Variants in FREM1 observed in about 807,000 individuals in gnomAD.
The protein encoded by FREM1 is FRAS1-related extracellular matrix protein 1.
In FREM1, 220 loss-of-function variants were observed where a neutral mutation model predicts 210.1. The observed-to-expected ratio is 1.05, with a 90% CI of 0.94 to 1.17. The LOEUF (loss-of-function observed/expected upper bound fraction) is 1.17. FREM1 is among the 50% of genes most tolerant of loss of function. FREM1 has a pLI of 0.00. For missense variants in FREM1, 3,454 were observed against 2,675.5 expected (o/e 1.29, Z -6.42); for synonymous variants, 1,189 against 980.2 (o/e 1.21, Z -3.98).
At chr9:14,780,406 G>A (rs1172478050) in intron 24 of FREM1, among the ~76,000 whole-genome samples, 2 of 127,196 alleles carry the variant, frequency 1.6e-5, no homozygotes, top group East Asian at 4.7e-4. Context: ...AGATAAAAAT[G>A]GAATCATAAA....
chr9:14,848,063 A>G (rs1827010532), intron 7 of FREM1, among the ~76,000 whole-genome samples: 1 of 152,208 alleles, frequency 6.6e-6, no homozygotes, highest in African/African-American at 2.4e-5. Context: ...TTTTTCCTTA[A>G]TACTATCTAC....
intron 8 of FREM1, among the ~76,000 whole-genome samples, chr9:14,844,308 C>T (rs1489747688): frequency 6.6e-6 from 1 of 151,778 alleles, no homozygotes; most frequent in Non-Finnish European, 1.5e-5. Context: ...TCACTGCAAC[C>T]TCCACCTCCC....
chr9:14,752,796 C>T (rs1405468384), intron 29 of FREM1, among the ~76,000 whole-genome samples: 1 of 152,142 alleles, frequency 6.6e-6, no homozygotes, highest in Non-Finnish European at 1.5e-5. Flanking sequence ...ATATTTCCAA[C>T]TCCCAACCGA....
intron 1 of FREM1, among the ~76,000 whole-genome samples, chr9:14,887,346 G>C (rs573677033): frequency 6.6e-6 from 1 of 152,206 alleles, no homozygotes; most frequent in Non-Finnish European, 1.5e-5. Context: ...AGAGCTGTGG[G>C]AGAAACAAGC....
At chr9:14,802,218 G>A (rs140774944) in intron 19 of FREM1, among the ~76,000 whole-genome samples, 1 of 152,194 alleles carries the variant, frequency 6.6e-6, no homozygotes, top group African/African-American at 2.4e-5. Flanking sequence ...TCATGGAAAA[G>A]TTCAGTTGTA....
intron 10 of FREM1, among the ~76,000 whole-genome samples, chr9:14,829,135 C>G (rs1823062025): frequency 6.6e-6 from 1 of 152,126 alleles, no homozygotes; most frequent in African/African-American, 2.4e-5. Context: ...AGGTAGGAGG[C>G]ACTTTATTAA....
intron 34 of FREM1, 150 bp downstream of exon 34, chr9:14,746,773 G>T (rs1842515981): frequency 1.1e-6 from 1 of 897,688 alleles, no homozygotes; most frequent in Admixed American, 3.0e-5. Context: ...AAGCCACTTT[G>T]GGCCATTTTT....
In FREM1 at chr9:14,868,786, C is replaced by G. The variant is rs867765102; in HGVS notation, c.192G>C (p.Met64Ile). ...EKDACKVEVV[M>I]NEPITQRVGK... is the part of the protein sequence containing the mutation. ...CAACCCTCTGGGTTATTGGCTCATT[C>G]ATCACAACTTCCACTTTGCAGGCAT... Residue 64 changes from methionine to isoleucine, a missense_variant, in exon 2 of 37, where the codon ATG (methionine) becomes ATC (isoleucine). Met to Ile is a conservative substitution (Grantham distance 10). Transcript: ENST00000380880. 1 of 1,612,976 alleles carries G rather than the reference C, an allele frequency of 6.2e-7. No individual in the cohort carries two copies. The highest frequency in any genetic ancestry group is 8.5e-7 in the Non-Finnish European group (1 of 1,179,462).
intron 6 of FREM1, among the ~76,000 whole-genome samples, chr9:14,850,180 A>T (rs1827430860): frequency 6.6e-6 from 1 of 152,186 alleles, no homozygotes; most frequent in Admixed American, 6.5e-5. Context: ...TATTATGTGG[A>T]AGACTTTAAC....
intron 20 of FREM1, among the ~76,000 whole-genome samples, chr9:14,798,182 G>A (rs553055909): frequency 4.6e-5 from 7 of 152,272 alleles, no homozygotes; most frequent in African/African-American, 1.4e-4. Context: ...TAAAATGCTA[G>A]AAGATGTGCA....
At chr9:14,780,565 C>G (rs970429791) in intron 24 of FREM1, among the ~76,000 whole-genome samples, 3 of 151,964 alleles carry the variant, frequency 2.0e-5, no homozygotes, top group African/African-American at 7.3e-5. Flanking sequence ...AACATGCTGC[C>G]AAATCTTTCT....
intron 1 of FREM1, among the ~76,000 whole-genome samples, chr9:14,895,036 C>A (rs62534802): frequency 0.12 from 17,750 of 152,220 alleles, 1,336 homozygotes; most frequent in Middle Eastern, 0.21. Flanking sequence ...CAAAGAATGT[C>A]ACTTTCTGAC....
chr9:14,896,381 T>C (rs559369902), intron 1 of FREM1, among the ~76,000 whole-genome samples: 126 of 151,906 alleles, frequency 8.3e-4, no homozygotes, highest in Non-Finnish European at 2.4e-4. Context: ...CCATCTCTAC[T>C]AAAAATACAA....
intron 1 of FREM1, among the ~76,000 whole-genome samples, chr9:14,909,181 G>A (rs541082440): frequency 6.6e-6 from 1 of 151,914 alleles, no homozygotes; most frequent in African/African-American, 2.4e-5. Flanking sequence ...ACAAGACTGG[G>A]TGCAATAGTT....
intron 10 of FREM1, among the ~76,000 whole-genome samples, chr9:14,831,625 G>A (rs548903787): frequency 6.6e-6 from 1 of 152,186 alleles, no homozygotes; most frequent in Non-Finnish European, 1.5e-5. Flanking sequence ...TTTTCTATGG[G>A]TAAATGCTTT....
rs1250695060 is a variant in FREM1, at chr9:14,859,414, T to C, written c.400A>G (p.Ile134Val). ...WVYLLEPDCN[I>V]IHMSNNVLEV... is the part of the protein sequence containing the mutation. ...AGCACATTGTTACTCATATGGATGA[T>C]GTTACAGTCTGGTTCCAGGAGATAG... is the stretch of plus-strand genomic sequence containing the variant. Residue 134 changes from isoleucine to valine, a missense_variant, in exon 4 of 37, where the codon ATC becomes GTC. Physicochemically the swap from Ile to Val is conservative, Grantham distance 29 (BLOSUM62 3). Coordinates refer to ENST00000380880, the MANE Select transcript of FREM1 (RefSeq NM_001379081.2). The C allele has an allele frequency of 2.0e-5, 33 of 1,613,834 alleles. No individual in the cohort carries two copies. Among genetic ancestry groups the C allele is most frequent in the Non-Finnish European group, 2.8e-5 (33 of 1,179,716 alleles).
chr9:14,771,156 G>A (rs538719277), intron 25 of FREM1, among the ~76,000 whole-genome samples: 2 of 152,226 alleles, frequency 1.3e-5, no homozygotes, highest in Admixed American at 1.3e-4. Flanking sequence ...GAAGCCCAGG[G>A]AATGTCTATT....
At chr9:14,856,919 T>C (rs899775289) in intron 5 of FREM1, among the ~76,000 whole-genome samples, 2 of 151,936 alleles carry the variant, frequency 1.3e-5, no homozygotes, top group African/African-American at 4.8e-5. Context: ...ATAGAGTTCA[T>C]GAATCAGCAG....
chr9:14,792,643 A>G, intron 22 of FREM1, 100 bp downstream of exon 22: 1 of 884,646 alleles, frequency 1.1e-6, no homozygotes, highest in Non-Finnish European at 1.6e-6. Flanking sequence ...AGGCAAATAT[A>G]TGTCTATCAG....
Sources: allele counts gnomAD v4.1 joint callset (sites outside exome capture counted in the v4.1 genomes callset), GRCh38; gene constraint gnomAD v4.1.1; transcripts MANE v1.5; gene names NCBI Gene and HGNC (gene_info 2026-07-23, HGNC 2026-07-21).